CENPH: variants seen among roughly 807,000 people sequenced by gnomAD.
The protein encoded by CENPH is centromere protein H, also known as CENP-H.
CENPH carries 40 observed loss-of-function variants against 42.9 expected under a neutral mutation model. The observed-to-expected ratio is 0.93, with a 90% CI of 0.72 to 1.21. CENPH has a LOEUF of 1.21. Among genes scored for constraint, CENPH ranks in the 50% most tolerant of loss-of-function variants. The pLI is 0.00. For missense variants in CENPH, 302 were observed against 292.9 expected (o/e 1.03, Z -0.23); for synonymous variants, 88 against 96.5 (o/e 0.91, Z 0.52).
chr5:69,203,117 A>G (rs933037623), intron 7 of CENPH, 147 bp downstream of exon 7: 20 of 651,522 alleles, frequency 3.1e-5, no homozygotes, highest in Non-Finnish European at 5.4e-5. Flanking sequence ...AAAAAGTGAT[A>G]TAAAGTACAT....
In CENPH at chr5:69,209,879, C is replaced by T; in HGVS notation, c.*80C>T. On this transcript the variant is annotated 3_prime_UTR_variant, in exon 9 of 9. Coordinates refer to ENST00000283006, the MANE Select transcript of CENPH (RefSeq NM_022909.4). Reference sequence around the variant, plus strand: ...GAATACTTCTGTGCATTTGTCTGTCCACCGTAATTTTAGAAAAGCATATCC... The same window carrying T: ...GAATACTTCTGTGCATTTGTCTGTCTACCGTAATTTTAGAAAAGCATATCC... 1.2e-6 allele frequency: 1 copy of T among 801,582 alleles called. No individual in the cohort carries two copies. Among genetic ancestry groups the T allele is most frequent in the Non-Finnish European group, 2.1e-6 (1 of 479,452 alleles). The allele number at this position is 801,582 out of a possible 1,614,324, so 49.7% of individuals were successfully genotyped here.
rs376091630 is a variant in CENPH, at chr5:69,208,003, G to A, written c.488-193G>A. 7 of 365,968 alleles carry A rather than the reference G, an allele frequency of 1.9e-5. 1 individual carries two copies. The highest frequency in any genetic ancestry group is 8.4e-5 in the African/African-American group (4 of 47,590). The allele number at this position is 365,968 out of a possible 1,614,324, so 22.7% of individuals were successfully genotyped here. A position where few individuals can be genotyped will look rare whatever the true frequency, so the allele number is the denominator to read the frequency against. ...TTTCACTAAGGGCATTGCTAAGTACGAAATTAAAATATTGTTATTTTGCAC... is the reference window on the plus strand; with the variant it reads ...TTTCACTAAGGGCATTGCTAAGTACAAAATTAAAATATTGTTATTTTGCAC... On this transcript the variant is annotated intron_variant, in intron 7 of 8. Transcript: ENST00000283006.
At position 69,197,186 on chromosome 5, in the gene CENPH, T is replaced by C. The variant is rs77982801; in HGVS notation, c.371+77T>C. ...CTTTAGTTTTGTGAATTTTAAAAAA[T>C]TATTACTGCCAACTACCTTTGTCTG... On this transcript the variant is annotated intron_variant, in intron 5 of 8. Transcript: ENST00000283006. 2.7e-3 allele frequency: 2,366 copies of C among 881,294 alleles called. 50 individuals are homozygous for C. In the African/African-American group the frequency reaches 0.038, roughly 14 times the overall value. 54.6% of individuals were successfully genotyped at this position (881,294 alleles called of 1,614,324 possible).
chr5:69,202,856 A>G, intron 6 of CENPH, 63 bp from the exon 7 acceptor site: 3 of 979,710 alleles, frequency 3.1e-6, no homozygotes, highest in Non-Finnish European at 4.7e-6. Context: ...TCAGTGATTT[A>G]AGTATTACAG....
chr5:69,201,520 A>T (rs570567921), intron 5 of CENPH, among the ~76,000 whole-genome samples: 2 of 152,336 alleles, frequency 1.3e-5, no homozygotes, highest in South Asian at 4.1e-4. Flanking sequence ...ACTATTCTGT[A>T]TGCTGCAATA....
At chr5:69,198,528 T>G (rs898200711) in intron 5 of CENPH, among the ~76,000 whole-genome samples, 19 of 152,164 alleles carry the variant, frequency 1.2e-4, no homozygotes, top group Non-Finnish European at 2.6e-4. Context: ...ACTTCTATCT[T>G]GAGTATCTTA....
At chr5:69,208,486 G>A in intron 8 of CENPH, 127 bp downstream of exon 8, 1 of 557,896 alleles carries the variant, frequency 1.8e-6, no homozygotes, top group Non-Finnish European at 3.2e-6. Flanking sequence ...AGCCTCCTGA[G>A]TAGCTGGGAT....
rs769096369 is a variant in CENPH at position 69,208,277 on chromosome 5, A to G, written c.569A>G (p.Glu190Gly). The part of the protein sequence containing the change: ...NKQKIDLDSM[E>G]NSERIKIIRQ... ...CAGAAGATTGATTTGGACAGTATGG[A>G]AAACTCAGAGAGGATAAAGATCATA... The change falls in exon 8 of 9, where the codon GAA (glutamate) becomes GGA (glycine). Residue 190 changes from glutamate (E) to glycine (G), a missense_variant. Glu to Gly is a moderately conservative substitution (Grantham distance 98). Transcript: ENST00000283006. 1 of 1,595,888 alleles carries G rather than the reference A, an allele frequency of 6.3e-7. No individual in the cohort carries two copies. Among genetic ancestry groups the G allele is most frequent in the Non-Finnish European group, 8.6e-7 (1 of 1,163,500 alleles).
At chr5:69,193,595 TGA>T (rs1747914258) in intron 2 of CENPH, among the ~76,000 whole-genome samples, 3 of 151,790 alleles carry the variant, frequency 2.0e-5, no homozygotes, top group Admixed American at 2.0e-4. Context: ...ACAGCCTGGG[TGA>T]CAGTGACAGG....
At chr5:69,202,458 TTAAG>T (rs757211751) in intron 5 of CENPH, 44 bp from the exon 6 acceptor site, 1 of 1,082,170 alleles carries the variant, frequency 9.2e-7, no homozygotes, top group Non-Finnish European at 1.4e-6. Context: ...TTATTTTTAA[TTAAG>T]TTACAAATAA....
intron 8 of CENPH, among the ~76,000 whole-genome samples, chr5:69,209,252 G>A (rs192852307): frequency 1.3e-5 from 2 of 152,296 alleles, no homozygotes; most frequent in East Asian, 3.9e-4. Context: ...GCTGGGTGTG[G>A]TGGCTTATGC....
intron 2 of CENPH, among the ~76,000 whole-genome samples, chr5:69,192,728 C>T (rs1231447025): frequency 1.3e-5 from 2 of 152,148 alleles, no homozygotes; most frequent in Non-Finnish European, 1.5e-5. Flanking sequence ...TACTGTACTC[C>T]ACTCCACTGG....
rs1747867351 is a variant in CENPH at position 69,191,315 on chromosome 5, A to G, written c.135-480A>G. Among the ~76,000 whole-genome samples, 5 of 152,314 alleles carry G rather than the reference A, an allele frequency of 3.3e-5. No individual in the cohort carries two copies. The South Asian group carries it at 1.0e-3, about 32-fold the overall frequency. ...ATCACGAGGTCAGGAGATCAAGACC[A>G]TCCTGGCTAACACGGTGAAACCCCA... On this transcript the variant is annotated intron_variant, in intron 1 of 8. Transcript: ENST00000283006.
chr5:69,190,293 G>A (rs1046366856), intron 1 of CENPH, among the ~76,000 whole-genome samples: 5 of 152,228 alleles, frequency 3.3e-5, no homozygotes, highest in Admixed American at 3.3e-4. Context: ...GGCCAAATCT[G>A]CCTAACTGCC....
chr5:69,205,697 G>GAT, intron 7 of CENPH, among the ~76,000 whole-genome samples: 1 of 128,008 alleles, frequency 7.8e-6, no homozygotes, highest in African/African-American at 2.9e-5. Flanking sequence ...TTTTTCTGTA[G>GAT]ATATCTTTTT....
At chr5:69,204,675 G>A (rs1312298261) in intron 7 of CENPH, among the ~76,000 whole-genome samples, 4 of 126,948 alleles carry the variant, frequency 3.2e-5, no homozygotes, top group Non-Finnish European at 4.7e-5. Flanking sequence ...CTGCAATCTC[G>A]GCTCACTGCA....
rs1747934225 is a variant in CENPH at position 69,194,693 on chromosome 5, A to G, written c.237A>G (p.Glu79=). The G allele has an allele frequency of 1.3e-6, 2 of 1,569,926 alleles. No homozygotes were observed. The highest frequency in any genetic ancestry group is 3.6e-5 in the Admixed American group (2 of 54,910). The part of the protein sequence containing the change: ...PEQIMQEKQI[E]AKIEDLENEI... Reference sequence around the variant, plus strand: ...AAATTATGCAAGAAAAGCAAATCGAAGCGTATGTTATATTTAAAAATTTTG... The same window carrying G: ...AAATTATGCAAGAAAAGCAAATCGAGGCGTATGTTATATTTAAAAATTTTG... The change falls in exon 3 of 9, where the codon GAA becomes GAG. Residue 79 remains glutamate (E), a splice_region_variant and synonymous_variant. Coordinates refer to ENST00000283006, the MANE Select transcript of CENPH (RefSeq NM_022909.4).
At chr5:69,207,408 C>T (rs950303657) in intron 7 of CENPH, among the ~76,000 whole-genome samples, 9 of 151,784 alleles carry the variant, frequency 5.9e-5, no homozygotes, top group South Asian at 2.1e-4. Context: ...GGGCTGGTCT[C>T]GAACTCCTGA....
intron 3 of CENPH, among the ~76,000 whole-genome samples, chr5:69,194,967 T>G (rs545460680): frequency 2.0e-5 from 3 of 151,390 alleles, no homozygotes; most frequent in Non-Finnish European, 4.4e-5. Context: ...CGGTGACTCA[T>G]GCCTGTAATC....
Sources: gnomAD v4.1 joint callset for allele counts (sites outside exome capture counted in the v4.1 genomes callset) on GRCh38, gnomAD v4.1.1 for gene constraint, MANE v1.5 for transcripts, NCBI Gene and HGNC (gene_info 2026-07-23, HGNC 2026-07-21) for gene names.